The following SCFD2 variants were observed in gnomAD, a reference collection of about 807,000 sequenced individuals.
SCFD2 encodes the protein sec1 family domain containing 2.
Under a neutral mutation model 58.9 loss-of-function variants are expected in SCFD2, and 54 were observed. That is an observed-to-expected ratio of 0.92 (90% CI 0.74 to 1.15). SCFD2 has a LOEUF of 1.15. SCFD2 is among the 50% of genes most tolerant of loss of function. The pLI, the probability that SCFD2 is intolerant of heterozygous loss-of-function variation, is 0.00. For synonymous variants in SCFD2, 321 were observed against 335.9 expected, an observed-to-expected ratio of 0.96 and a Z score of 0.49; for missense variants, 805 against 836.6, an observed-to-expected ratio of 0.96 and a Z score of 0.47.
intron 7 of SCFD2, among the ~76,000 whole-genome samples, chr4:52,888,036 G>A (rs1028545888): frequency 2.0e-5 from 3 of 147,424 alleles, no homozygotes; most frequent in Admixed American, 6.8e-5. Context: ...TCAGCCTCCC[G>A]AGTAGCTGGG....
At chr4:52,875,433 G>A (rs531991586) in intron 8 of SCFD2, among the ~76,000 whole-genome samples, 128 of 120,798 alleles carry the variant, frequency 1.1e-3, no homozygotes, top group Non-Finnish European at 1.8e-3. Context: ...AGCTGTCCTA[G>A]AGCCTGAATT....
At chr4:52,896,884 G>A (rs1337852222) in intron 7 of SCFD2, among the ~76,000 whole-genome samples, 3 of 152,202 alleles carry the variant, frequency 2.0e-5, no homozygotes, top group Non-Finnish European at 4.4e-5. Context: ...AACGTCCCTT[G>A]TAAGTTGGAT....
chr4:53,049,521 C>T (rs569485010), intron 5 of SCFD2, among the ~76,000 whole-genome samples: 3 of 152,228 alleles, frequency 2.0e-5, no homozygotes, highest in South Asian at 2.1e-4. Context: ...CTTACATAGC[C>T]GAAGTAGGAT....
intron 4 of SCFD2, among the ~76,000 whole-genome samples, chr4:53,154,276 C>T (rs1379691025): frequency 6.6e-6 from 1 of 152,232 alleles, no homozygotes; most frequent in African/African-American, 2.4e-5. Context: ...GCACAAGCAT[C>T]TGCTCAGCTT....
chr4:53,248,847 G>T (rs1440895380), intron 4 of SCFD2, among the ~76,000 whole-genome samples: 1 of 152,210 alleles, frequency 6.6e-6, no homozygotes, highest in Non-Finnish European at 1.5e-5. Context: ...AAACCACAAA[G>T]ATGGGGAAAA....
chr4:53,187,450 G>GACCTAGGAAATTGAGGCATTTAT (rs1727770689), intron 4 of SCFD2, among the ~76,000 whole-genome samples: 2 of 151,974 alleles, frequency 1.3e-5, no homozygotes, highest in African/African-American at 4.8e-5. Flanking sequence ...CATATGTTAT[G>GACCTAGGAAATTGAGGCATTTAT]ACCTAGGAAA....
chr4:53,099,602 T>C (rs1269648422), intron 5 of SCFD2, among the ~76,000 whole-genome samples: 1 of 152,110 alleles, frequency 6.6e-6, no homozygotes, highest in Non-Finnish European at 1.5e-5. Context: ...GGAGCCAGCA[T>C]GTGCAGAGAT....
chr4:52,910,227 TA>T, intron 6 of SCFD2, among the ~76,000 whole-genome samples: 1 of 152,334 alleles, frequency 6.6e-6, no homozygotes, highest in East Asian at 1.9e-4. Context: ...GTCTCCTTTT[TA>T]AAATGGAAGG....
At chr4:53,299,433 T>C (rs1255113995) in intron 3 of SCFD2, among the ~76,000 whole-genome samples, 1 of 152,052 alleles carries the variant, frequency 6.6e-6, no homozygotes, top group Non-Finnish European at 1.5e-5. Context: ...CTCCAAGAAA[T>C]ATGGGACTAT....
chr4:53,034,045 A>C (rs547484049), intron 5 of SCFD2, among the ~76,000 whole-genome samples: 85 of 152,312 alleles, frequency 5.6e-4, no homozygotes, highest in African/African-American at 2.0e-3. Flanking sequence ...CCTGATGAAC[A>C]TCGATGCGAA....
At chr4:52,885,911 C>G (rs149605395) in intron 7 of SCFD2, 45 bp from the exon 8 acceptor site, 8 of 1,610,570 alleles carry the variant, frequency 5.0e-6, no homozygotes, top group Non-Finnish European at 6.8e-6. Context: ...GGCAGTGATG[C>G]AGGCACAATG....
At chr4:53,133,794 G>C (rs1725861818) in intron 5 of SCFD2, among the ~76,000 whole-genome samples, 1 of 152,196 alleles carries the variant, frequency 6.6e-6, no homozygotes, top group South Asian at 2.1e-4. Context: ...ACTCTGCTCT[G>C]TTAGATTTCT....
intron 5 of SCFD2, among the ~76,000 whole-genome samples, chr4:52,934,460 A>G (rs1422908618): frequency 1.3e-5 from 2 of 152,228 alleles, no homozygotes; most frequent in Non-Finnish European, 2.9e-5. Context: ...AAAAATTTTT[A>G]TGGAAATTGT....
At chr4:53,344,350 T>C (rs935956698) in intron 2 of SCFD2, among the ~76,000 whole-genome samples, 3 of 152,082 alleles carry the variant, frequency 2.0e-5, no homozygotes, top group African/African-American at 7.2e-5. Context: ...CCATTCACAA[T>C]TGCTACAAAG....
At chr4:53,339,597 T>C (rs1577983775) in intron 2 of SCFD2, among the ~76,000 whole-genome samples, 1 of 151,926 alleles carries the variant, frequency 6.6e-6, no homozygotes, top group Non-Finnish European at 1.5e-5. Flanking sequence ...TGGTGAAACC[T>C]GTCCCTACTA....
chr4:53,306,587 C>T (rs989981337), intron 3 of SCFD2, among the ~76,000 whole-genome samples: 1 of 152,118 alleles, frequency 6.6e-6, no homozygotes, highest in Admixed American at 6.5e-5. Context: ...ACTCATCAGG[C>T]AATCCATTCA....
chr4:53,308,047 G>A (rs1732571330), intron 3 of SCFD2, among the ~76,000 whole-genome samples: 1 of 152,200 alleles, frequency 6.6e-6, no homozygotes, highest in African/African-American at 2.4e-5. Flanking sequence ...CACGAAGTGG[G>A]AGTTTAGATC....
intron 5 of SCFD2, chr4:52,949,453 T>C (rs1019515670): frequency 2.6e-5 from 4 of 152,250 alleles, no homozygotes; most frequent in Non-Finnish European, 5.9e-5. Flanking sequence ...CAGCTGTTTC[T>C]GAAAGCAGCC....
intron 6 of SCFD2, among the ~76,000 whole-genome samples, chr4:52,911,596 A>C (rs949434817): frequency 4.6e-5 from 7 of 152,218 alleles, no homozygotes; most frequent in African/African-American, 1.7e-4. Flanking sequence ...AGTAACAGCA[A>C]ACACATCACA....
Sources: allele counts gnomAD v4.1 joint callset (sites outside exome capture counted in the v4.1 genomes callset), GRCh38; gene constraint gnomAD v4.1.1; transcripts MANE v1.5; gene names NCBI Gene and HGNC (gene_info 2026-07-23, HGNC 2026-07-21).